COL6A3: variants seen among roughly 807,000 people sequenced by gnomAD.
COL6A3 encodes collagen type VI alpha 3 chain.
Under a neutral mutation model 274.1 loss-of-function variants are expected in COL6A3, and 137 were observed. The observed-to-expected ratio is 0.50, with a 90% CI of 0.44 to 0.58. The LOEUF (loss-of-function observed/expected upper bound fraction) is 0.58, where lower values mean the gene tolerates loss of function less well. Ranked by LOEUF, COL6A3 falls within the 20% of genes least tolerant of loss-of-function variation. The pLI, the probability that COL6A3 is intolerant of heterozygous loss-of-function variation, is 0.00. For missense variants in COL6A3, 3,950 were observed against 4,124.9 expected, an observed-to-expected ratio of 0.96 and a Z score of 1.16; for synonymous variants, 1,650 against 1,650.6, an observed-to-expected ratio of 1.00 and a Z score of 0.01.
At chr2:237,327,689 C>G (rs1224966411) in intron 42 of COL6A3, 2 of 152,192 alleles carry the variant, frequency 1.3e-5, no homozygotes, top group African/African-American at 4.8e-5. Context: ...CTGTACTTCT[C>G]TACTTCTGAA....
At chr2:237,396,957 T>C (rs972085229) in intron 1 of COL6A3, 110 bp from the exon 2 acceptor site, 32 of 737,052 alleles carry the variant, frequency 4.3e-5, no homozygotes, top group South Asian at 2.9e-4. Context: ...AAGAAGACTT[T>C]GTATCTGATT....
rs138327763 is a variant in COL6A3, at chr2:237,352,830, T to C, written c.6691-246A>G. 6.8e-3 allele frequency among the ~76,000 whole-genome samples: 1,039 copies of C among 152,314 alleles called. 5 individuals are homozygous for C. The highest frequency in any genetic ancestry group is 0.011 in the Admixed American group (167 of 15,308). On this transcript the variant is annotated intron_variant, in intron 25 of 43. Transcript: ENST00000295550. Reference sequence around the variant, plus strand: ...TCAGACAAAAACGTGTAGGAGAATCTTCACAGAAGCATCATTCACAATTGC... The same window carrying C: ...TCAGACAAAAACGTGTAGGAGAATCCTCACAGAAGCATCATTCACAATTGC...
chr2:237,359,468 C>T, intron 17 of COL6A3, 80 bp from the exon 18 acceptor site: 1 of 1,406,488 alleles, frequency 7.1e-7, no homozygotes, highest in Non-Finnish European at 1.0e-6. Context: ...AAGGGCTGTT[C>T]CCCCACTCCA....
intron 10 of COL6A3, among the ~76,000 whole-genome samples, chr2:237,367,871 C>T (rs61526536): frequency 0.039 from 5,921 of 152,134 alleles, 397 homozygotes; most frequent in African/African-American, 0.13. Flanking sequence ...GCAACTGAGA[C>T]TGGAATAGAG....
intron 1 of COL6A3, among the ~76,000 whole-genome samples, chr2:237,403,331 A>G (rs2078639307): frequency 6.6e-6 from 1 of 152,206 alleles, no homozygotes; most frequent in African/African-American, 2.4e-5. Flanking sequence ...GGGAATGAAC[A>G]CCAGGACCCA....
At chr2:237,411,116 C>T (rs942653310) in intron 1 of COL6A3, among the ~76,000 whole-genome samples, 2 of 152,186 alleles carry the variant, frequency 1.3e-5, no homozygotes, top group Non-Finnish European at 2.9e-5. Flanking sequence ...GAAAAGTTTG[C>T]TCCCGTAAGT....
chr2:237,412,685 C>A (rs552727518), intron 1 of COL6A3, among the ~76,000 whole-genome samples: 1 of 152,312 alleles, frequency 6.6e-6, no homozygotes, highest in Admixed American at 6.5e-5. Flanking sequence ...GATTTTAAAG[C>A]CATTTCGGTT....
At chr2:237,402,279 G>T (rs1477024239) in intron 1 of COL6A3, among the ~76,000 whole-genome samples, 2 of 152,140 alleles carry the variant, frequency 1.3e-5, no homozygotes, top group African/African-American at 4.8e-5. Context: ...TGTTTTGCAA[G>T]ATCAAAAAGT....
At chr2:237,408,004 G>A (rs1014172089) in intron 1 of COL6A3, among the ~76,000 whole-genome samples, 1 of 152,314 alleles carries the variant, frequency 6.6e-6, no homozygotes, top group East Asian at 1.9e-4. Flanking sequence ...GAACTAAGGT[G>A]CTACTGACCT....
At position 237,342,177 on chromosome 2, in the gene COL6A3, G is replaced by A. The variant is rs574975784; in HGVS notation, c.7669-16C>T. The A allele has an allele frequency of 1.9e-6, 3 of 1,610,980 alleles. No homozygotes were observed. The highest frequency in any genetic ancestry group is 4.5e-5 in the East Asian group (2 of 44,864). On this transcript the variant is annotated splice_polypyrimidine_tract_variant and intron_variant, in intron 36 of 43. Transcript: ENST00000295550. ...TGTTATTGATCTGGTTTAAACAAAAGAACAATTTTGGTAGGGGCGTACATG... is the reference window on the plus strand; with the variant it reads ...TGTTATTGATCTGGTTTAAACAAAAAAACAATTTTGGTAGGGGCGTACATG...
intron 1 of COL6A3, among the ~76,000 whole-genome samples, chr2:237,410,798 T>C (rs1279693015): frequency 6.6e-6 from 1 of 152,214 alleles, no homozygotes; most frequent in Non-Finnish European, 1.5e-5. Flanking sequence ...ATTTAAAGAA[T>C]AGGATTGTCC....
chr2:237,406,724 C>T (rs1055311286), intron 1 of COL6A3, among the ~76,000 whole-genome samples: 1 of 152,014 alleles, frequency 6.6e-6, no homozygotes, highest in African/African-American at 2.4e-5. Context: ...TTTATTAAGT[C>T]CTGCAATTAG....
chr2:237,355,104 A>G (rs977166003), intron 23 of COL6A3, 170 bp from the exon 24 acceptor site: 2 of 620,302 alleles, frequency 3.2e-6, no homozygotes, highest in Admixed American at 5.2e-5. Flanking sequence ...GCCCTGGGGA[A>G]ACTCGCACAC....
chr2:237,398,269 C>T (rs2078501433), intron 1 of COL6A3, among the ~76,000 whole-genome samples: 2 of 152,128 alleles, frequency 1.3e-5, no homozygotes, highest in African/African-American at 4.8e-5. Context: ...AGGCTAACTG[C>T]CCTGATGCAG....
intron 4 of COL6A3, among the ~76,000 whole-genome samples, chr2:237,386,197 G>A (rs73093776): frequency 0.016 from 2,404 of 152,300 alleles, 85 homozygotes; most frequent in African/African-American, 0.055. Context: ...GAAATGTGGT[G>A]TGTTGCCTTT....
rs759052298 is a variant in COL6A3 at position 237,371,778 on chromosome 2, T to C, written c.4239A>G (p.Ser1413=). 3 of 1,613,454 alleles carry C rather than the reference T, an allele frequency of 1.9e-6. No homozygotes were observed. Among genetic ancestry groups the C allele is most frequent in the Non-Finnish European group, 2.5e-6 (3 of 1,179,582 alleles). The change falls in exon 9 of 44, where the codon TCA becomes TCG. Residue 1413 remains serine, a synonymous_variant. Transcript: ENST00000295550. The surrounding 1 kb of genome is among the most constrained non-coding windows in gnomAD (Gnocchi z 4.3). ...KLLTPITTLT[S]EQIQKLLAST... ...TGGCTAAGAGCTTCTGGATCTGCTC[T>C]GAGGTCAGGGTCGTGATGGGCGTCA...
rs751294512 is a variant in COL6A3, at chr2:237,342,084, G to T, written c.7746C>A (p.Leu2582=). ...GCTTACCCAAGCAAACATGACACGT[G>T]AGGACATTCTCCAGGAAGTCTGTGA... ...RDLTDFLENV[L]TCHVCLDICN... Residue 2582 remains leucine, a synonymous_variant, in exon 37 of 44, where the codon CTC becomes CTA. Coordinates refer to ENST00000295550, the MANE Select transcript of COL6A3 (RefSeq NM_004369.4). The T allele has an allele frequency of 6.8e-6, 11 of 1,614,180 alleles. No individual in the cohort carries two copies. The highest frequency in any genetic ancestry group is 9.3e-6 in the Non-Finnish European group (11 of 1,180,020).
In COL6A3 at chr2:237,395,150, G is replaced by T. The variant is rs200025389; in HGVS notation, c.146C>A (p.Thr49Asn). The part of the protein sequence containing the change: ...DIIFLVDSSW[T>N]IGEEHFQLVR... ...AAGTTGGAAATGTTCCTCTCCAATG[G>T]TCCAAGAGGAATCCACTAGAAATAT... The change falls in exon 3 of 44, where the codon ACC becomes AAC. Residue 49 changes from threonine (T) to asparagine (N), a missense_variant. This residue lies in a region of COL6A3 where 1,934 missense variants were observed against 1,984.3 expected (regional missense o/e 0.97). Coordinates refer to ENST00000295550, the MANE Select transcript of COL6A3 (RefSeq NM_004369.4). 1 of 1,613,538 alleles carries T rather than the reference G, an allele frequency of 6.2e-7. No homozygotes were observed. Among genetic ancestry groups the T allele is most frequent in the African/African-American group, 1.3e-5 (1 of 74,888 alleles).
In COL6A3 at chr2:237,340,677, C is replaced by A; in HGVS notation, c.8239G>T (p.Val2747Leu). Residue 2747 changes from valine to leucine, a missense_variant, in exon 38 of 44, where the codon GTG (valine) becomes TTG (leucine). This residue lies in a region of COL6A3 where 1,284 missense variants were observed against 1,349.7 expected (regional missense o/e 0.95). Transcript: ENST00000295550. ...GCCTCCTCCAGCTGCTGCTCCGGCA[C>A]CTCGCCCGTCAGCATCAGGACCACA... ...KIVVLMLTGE[V>L]PEQQLEEAQR... 6.2e-7 allele frequency: 1 copy of A among 1,614,240 alleles called. No homozygotes were observed. Among genetic ancestry groups the A allele is most frequent in the South Asian group, 1.1e-5 (1 of 91,082 alleles).
Sources: allele counts gnomAD v4.1 joint callset (sites outside exome capture counted in the v4.1 genomes callset), GRCh38; gene constraint gnomAD v4.1.1; regional missense constraint gnomAD v4.1.1; non-coding constraint Gnocchi (gnomAD v3.1); transcripts MANE v1.5; gene names NCBI Gene and HGNC (gene_info 2026-07-23, HGNC 2026-07-21).